Variants in CDH18 observed in about 807,000 individuals in gnomAD.
The protein encoded by CDH18 is cadherin-18.
A neutral mutation model predicts 67.9 loss-of-function variants in CDH18; 31 were observed. That is an observed-to-expected ratio of 0.46 (90% confidence interval 0.34 to 0.62). The LOEUF is 0.62. Ranked by LOEUF, CDH18 falls within the 20% of genes least tolerant of loss-of-function variation. CDH18 has a pLI of 0.01. For synonymous variants in CDH18, 362 were observed against 347.2 expected, an observed-to-expected ratio of 1.04 and a Z score of -0.48; for missense variants, 890 against 975.5, an observed-to-expected ratio of 0.91 and a Z score of 1.17.
intron 1 of CDH18, among the ~76,000 whole-genome samples, chr5:20,414,157 A>C (rs1173667526): frequency 6.6e-6 from 1 of 152,220 alleles, no homozygotes; most frequent in Non-Finnish European, 1.5e-5. Flanking sequence ...AACTGAAAAC[A>C]GAATTACCAT....
At chr5:20,063,259 C>G (rs1228183597) in intron 2 of CDH18, among the ~76,000 whole-genome samples, 1 of 151,184 alleles carries the variant, frequency 6.6e-6, no homozygotes, top group Non-Finnish European at 1.5e-5. Flanking sequence ...AAGTATTATT[C>G]CCAGTACCTT....
Position 19,748,112 on chromosome 5 carries a change from C to CAAAAAAAAAAAA in CDH18, c.229-888_229-877dup, listed in dbSNP as rs766955714. 5.9e-3 allele frequency among the ~76,000 whole-genome samples: 87 copies of CAAAAAAAAAAAA among 14,858 alleles called. 35 individuals are homozygous for CAAAAAAAAAAAA. Among genetic ancestry groups the CAAAAAAAAAAAA allele is most frequent in the Admixed American group, 0.013 (7 of 532 alleles). 9.7% of individuals were successfully genotyped at this position (14,858 alleles called of 152,430 possible). A position where few individuals can be genotyped will look rare whatever the true frequency, so the allele number is the denominator to read the frequency against. On this transcript the variant is annotated intron_variant, in intron 3 of 12. Transcript: ENST00000382275. ...TGGGAGACAGAGCGAGACTCCATCTCAAAAAAAAAAAAAAAAAAAAAGAGT... is the reference window on the plus strand; with the variant it reads ...TGGGAGACAGAGCGAGACTCCATCTCAAAAAAAAAAAAAAAAAAAAAAAAAAAAAAAAAGAGT...
intron 2 of CDH18, among the ~76,000 whole-genome samples, chr5:20,062,845 T>A (rs541597883): frequency 1.1e-4 from 17 of 152,312 alleles, no homozygotes; most frequent in African/African-American, 4.1e-4. Context: ...ACATAATAGC[T>A]AAGAACATTC....
rs570613418 is a variant in CDH18 at position 20,260,737 on chromosome 5, GCTGATTCTC to G, written c.-579-5241_-579-5233del. On this transcript the variant is annotated intron_variant, in intron 1 of 14. Transcript: ENST00000507958. ...ACATTATAAGACTCCACCATAGCAG[GCTGATTCTC>G]CTGCTGACTTGGCAGAAGTAAGATA... Among the ~76,000 whole-genome samples, 13 of 152,254 alleles carry G rather than the reference GCTGATTCTC, an allele frequency of 8.5e-5. No homozygotes were observed. In the East Asian group the frequency reaches 1.7e-3, roughly 20 times the overall value.
chr5:19,800,240 G>A (rs1777311317), intron 3 of CDH18, among the ~76,000 whole-genome samples: 1 of 152,038 alleles, frequency 6.6e-6, no homozygotes, highest in Non-Finnish European at 1.5e-5. Context: ...ATGGCAGGTG[G>A]GGGCAAGATA....
intron 8 of CDH18, among the ~76,000 whole-genome samples, chr5:19,571,262 G>A (rs776474189): frequency 6.6e-6 from 1 of 152,096 alleles, no homozygotes; most frequent in Non-Finnish European, 1.5e-5. Flanking sequence ...CATTAAGGGA[G>A]CAATAGATTC....
chr5:19,883,958 AATTTG>A (rs1249427307), intron 2 of CDH18, among the ~76,000 whole-genome samples: 1 of 152,108 alleles, frequency 6.6e-6, no homozygotes, highest in Non-Finnish European at 1.5e-5. Context: ...TAAAGAATAC[AATTTG>A]ATTTGTGTTT....
At chr5:19,536,119 G>A (rs1475275765) in intron 9 of CDH18, among the ~76,000 whole-genome samples, 1 of 152,034 alleles carries the variant, frequency 6.6e-6, no homozygotes, top group East Asian at 1.9e-4. Context: ...CTAAGTATTT[G>A]ACAATACTAT....
At chr5:20,107,637 G>T (rs1210133529) in intron 2 of CDH18, among the ~76,000 whole-genome samples, 2 of 152,152 alleles carry the variant, frequency 1.3e-5, no homozygotes, top group Non-Finnish European at 2.9e-5. Context: ...CCAACAAGCA[G>T]TTGGCAAGGT....
chr5:20,138,304 G>A (rs1749921480), intron 2 of CDH18, among the ~76,000 whole-genome samples: 1 of 152,056 alleles, frequency 6.6e-6, no homozygotes, highest in Non-Finnish European at 1.5e-5. Context: ...AGGTATTGAT[G>A]GGATGTATCT....
Position 19,997,185 on chromosome 5 carries a change from A to G in CDH18, c.-517-5171T>C, listed in dbSNP as rs367696728. ...AAAATAGAAACTGATGAATGGAAAA[A>G]CTTTTAAAACAAAATAAAATATTTT... is the stretch of plus-strand genomic sequence containing the variant. On this transcript the variant is annotated intron_variant, in intron 2 of 14. Transcript: ENST00000507958. Among the ~76,000 whole-genome samples the G allele has an allele frequency of 6.0e-4, 91 of 152,186 alleles. No individual in the cohort carries two copies. In the South Asian group the frequency reaches 0.016, roughly 27 times the overall value.
intron 8 of CDH18, among the ~76,000 whole-genome samples, chr5:19,550,742 A>G (rs1450668716): frequency 6.6e-6 from 1 of 152,108 alleles, no homozygotes; most frequent in African/African-American, 2.4e-5. Context: ...ATGTGTCTTT[A>G]TAGCAGCATG....
chr5:20,084,686 A>AC (rs1744798205), intron 2 of CDH18, among the ~76,000 whole-genome samples: 1 of 152,100 alleles, frequency 6.6e-6, no homozygotes, highest in Non-Finnish European at 1.5e-5. Context: ...GAGGTTCCCA[A>AC]ACCTCAATTC....
At chr5:20,249,513 G>A (rs970161481) in intron 2 of CDH18, among the ~76,000 whole-genome samples, 20 of 151,482 alleles carry the variant, frequency 1.3e-4, no homozygotes, top group Middle Eastern at 6.8e-3. Context: ...CTCCCGAGTA[G>A]CTGGGACTAC....
intron 9 of CDH18, among the ~76,000 whole-genome samples, chr5:19,530,522 T>C (rs71610635): frequency 0.26 from 38,979 of 151,930 alleles, 5,155 homozygotes; most frequent in South Asian, 0.33. Context: ...CATGTTGGTG[T>C]GCTGCACCCA....
intron 9 of CDH18, among the ~76,000 whole-genome samples, chr5:19,527,975 C>T (rs1748005264): frequency 6.6e-6 from 1 of 151,710 alleles, no homozygotes; most frequent in African/African-American, 2.4e-5. Flanking sequence ...GGAATGAACA[C>T]TTTGTTCCGT....
intron 6 of CDH18, among the ~76,000 whole-genome samples, chr5:19,605,848 G>A (rs141483383): frequency 2.0e-4 from 31 of 152,164 alleles, no homozygotes; most frequent in African/African-American, 7.5e-4. Context: ...GCTGGCACAG[G>A]GGCTGAGAAA....
chr5:19,855,204 G>A (rs1482522369), intron 2 of CDH18, among the ~76,000 whole-genome samples: 1 of 151,816 alleles, frequency 6.6e-6, no homozygotes, highest in Non-Finnish European at 1.5e-5. Flanking sequence ...TTGTTCCCCT[G>A]CTCTTCTGTT....
chr5:20,002,392 T>C (rs930591676), intron 2 of CDH18, among the ~76,000 whole-genome samples: 1 of 152,212 alleles, frequency 6.6e-6, no homozygotes, highest in Non-Finnish European at 1.5e-5. Flanking sequence ...ACTTATTTGG[T>C]TCATTGCCTT....
Sources: allele counts gnomAD v4.1 joint callset (sites outside exome capture counted in the v4.1 genomes callset), GRCh38; gene constraint gnomAD v4.1.1; transcripts MANE v1.5; gene names NCBI Gene and HGNC (gene_info 2026-07-23, HGNC 2026-07-21).